Variants in NBPF15 observed in about 807,000 individuals in gnomAD.
NBPF15 encodes the protein NBPF family member NBPF15.
Under a neutral mutation model 62.2 loss-of-function variants are expected in NBPF15, and 74 were observed. The ratio of observed to expected loss-of-function variants is 1.19; its 90% CI spans 0.99 to 1.44. NBPF15 has a LOEUF of 1.44. Among genes scored for constraint, NBPF15 ranks in the 40% most tolerant of loss-of-function variants. The pLI is 0.00. For synonymous variants in NBPF15, 244 were observed against 209.7 expected, an observed-to-expected ratio of 1.16 and a Z score of -1.41; for missense variants, 790 against 550.0, an observed-to-expected ratio of 1.44 and a Z score of -4.36.
chr1:144,424,486 A>T (rs1387061324), intron 20 of NBPF15, among the ~76,000 whole-genome samples: 2 of 152,062 alleles, frequency 1.3e-5, no homozygotes, highest in African/African-American at 4.8e-5. Flanking sequence ...ATGGCCTGAG[A>T]CTAGGAAGAG....
intron 6 of NBPF15, among the ~76,000 whole-genome samples, chr1:144,440,777 C>G (rs1195824743): frequency 1.3e-5 from 2 of 150,576 alleles, no homozygotes; most frequent in African/African-American, 4.9e-5. Flanking sequence ...CTCAGACTCC[C>G]AAGTAGTTGG....
chr1:144,429,052 T>C (rs1428798472), intron 14 of NBPF15, among the ~76,000 whole-genome samples: 20 of 152,084 alleles, frequency 1.3e-4, no homozygotes, highest in African/African-American at 4.6e-4. Flanking sequence ...AGAGATTTGA[T>C]GAAGGGGTGC....
chr1:144,432,191 T>A lies in NBPF15; in HGVS notation c.824+1582A>T, dbSNP rs1245518547. On this transcript the variant is annotated intron_variant, in intron 13 of 21. Transcript: ENST00000581897. ...AAGAAAAGAATTTTCAACCCAGAAT[T>A]TCATATCCAGCCAAACAAAGCTTCA... is the stretch of plus-strand genomic sequence containing the variant. Among the ~76,000 whole-genome samples the A allele has an allele frequency of 6.6e-5, 10 of 152,110 alleles. No individual in the cohort carries two copies. In the South Asian group the frequency reaches 1.2e-3, roughly 19 times the overall value.
At chr1:144,444,749 C>T (rs1686031403) in intron 6 of NBPF15, among the ~76,000 whole-genome samples, 1 of 151,856 alleles carries the variant, frequency 6.6e-6, no homozygotes, top group South Asian at 2.1e-4. Flanking sequence ...TTCCCTGTAA[C>T]CAGTTGCAGA....
chr1:144,431,796 T>C (rs1401124636), intron 13 of NBPF15, among the ~76,000 whole-genome samples: 4 of 139,040 alleles, frequency 2.9e-5, no homozygotes, highest in African/African-American at 1.1e-4. Flanking sequence ...TCCAGCTTCA[T>C]CCATGCCCCT....
Position 144,423,017 on chromosome 1 carries a change from T to A in NBPF15, c.2009A>T (p.Gln670Leu). ...LVFQMGVIFP[Q>L] is the part of the protein sequence containing the mutation. ...TCTCGGCTTAGTAAGAGCTGCTTAT[T>A]GTGGGAATATGACTCCCATCTGGAA... The change falls in exon 22 of 22, where the codon CAA becomes CTA. Residue 670 changes from glutamine to leucine, a missense_variant. Gln to Leu is a moderately radical substitution (Grantham distance 113, BLOSUM62 -2). Coordinates refer to ENST00000581897, the MANE Select transcript of NBPF15 (RefSeq NM_001385408.1). The A allele has an allele frequency of 6.2e-7, 1 of 1,611,676 alleles. No individual in the cohort carries two copies. The highest frequency in any genetic ancestry group is 8.5e-7 in the Non-Finnish European group (1 of 1,179,634).
rs1465789350 is a variant in NBPF15, at chr1:144,436,465, C to T, written c.493+430G>A. Among the ~76,000 whole-genome samples the T allele has an allele frequency of 1.0e-3, 155 of 151,944 alleles. 1 individual carries two copies. Among genetic ancestry groups the T allele is most frequent in the African/African-American group, 3.6e-3 (149 of 41,400 alleles). ...CACATTTGAATGCTTCAGACCCTTG[C>T]AAGAGACAATTTGTCTGCCACGGAG... On this transcript the variant is annotated intron_variant, in intron 10 of 21. Coordinates refer to ENST00000581897, the MANE Select transcript of NBPF15 (RefSeq NM_001385408.1).
intron 15 of NBPF15, among the ~76,000 whole-genome samples, chr1:144,428,321 T>G (rs78724832): frequency 8.0e-5 from 12 of 150,668 alleles, no homozygotes; most frequent in Admixed American, 1.3e-4. Context: ...GAAAAGCATG[T>G]CCTCAATAAT....
chr1:144,460,025 A>AT (rs1651431949), intron 2 of NBPF15, among the ~76,000 whole-genome samples: 1 of 32,996 alleles, frequency 3.0e-5, no homozygotes, highest in Non-Finnish European at 6.1e-5. Flanking sequence ...CATTACCTGT[A>AT]CTTTTTTTTT....
chr1:144,426,453 G>C lies in NBPF15; in HGVS notation c.1266-3C>G. 2 of 798,038 alleles carry C rather than the reference G, an allele frequency of 2.5e-6. No individual in the cohort carries two copies. The highest frequency in any genetic ancestry group is 4.9e-5 in the East Asian group (2 of 41,178). The allele number at this position is 798,038 out of a possible 1,614,324, so 49.4% of individuals were successfully genotyped here. On this transcript the variant is annotated splice_polypyrimidine_tract_variant and splice_region_variant and intron_variant, in intron 17 of 21. Coordinates refer to ENST00000581897, the MANE Select transcript of NBPF15 (RefSeq NM_001385408.1). ...CATCCAGCAGCTCCCTGCTGAGCCT[G>C]GAAAAGTAGGAAAAAGTAAAGAATA...
chr1:144,425,059 GACACACACACACACAC>G, intron 19 of NBPF15, among the ~76,000 whole-genome samples, 197 bp from the exon 20 acceptor site: 1 of 92,858 alleles, frequency 1.1e-5, no homozygotes, highest in Non-Finnish European at 2.1e-5. Flanking sequence ...AAGACAGATA[GACACACACACACACAC>G]ACACACACAC....
chr1:144,438,822 T>G (rs1162530968), intron 8 of NBPF15, among the ~76,000 whole-genome samples: 12 of 151,550 alleles, frequency 7.9e-5, no homozygotes, highest in African/African-American at 1.9e-4. Context: ...TGGAGCCCAG[T>G]AGACAGGCCC....
chr1:144,425,101 C>G (rs1205072631), intron 19 of NBPF15, among the ~76,000 whole-genome samples: 12 of 145,178 alleles, frequency 8.3e-5, no homozygotes, highest in South Asian at 2.3e-4. Flanking sequence ...CACACACACA[C>G]ACAGACACAC....
rs1185284190 is a variant in NBPF15, at chr1:144,445,385, TTGTG to T, written c.-191+3386_-191+3389del. Among the ~76,000 whole-genome samples, 17 of 126,214 alleles carry T rather than the reference TTGTG, an allele frequency of 1.3e-4. 1 individual carries two copies. The highest frequency in any genetic ancestry group is 7.8e-4 in the South Asian group (3 of 3,832). The allele number at this position is 126,214 out of a possible 152,430, so 82.8% of individuals were successfully genotyped here. ...CACACACACACACACACACACACGT[TTGTG>T]TGTGTGTGTGTATACATATATATAT... On this transcript the variant is annotated intron_variant, in intron 6 of 21. Transcript: ENST00000581897.
intron 15 of NBPF15, 132 bp downstream of exon 15, chr1:144,428,474 G>C: frequency 4.5e-6 from 4 of 887,570 alleles, no homozygotes; most frequent in Non-Finnish European, 7.5e-6. Context: ...GAACCAAAAA[G>C]CAATGTAGTA....
chr1:144,431,338 C>A (rs1293355912), intron 13 of NBPF15, among the ~76,000 whole-genome samples: 4 of 149,776 alleles, frequency 2.7e-5, no homozygotes, highest in Non-Finnish European at 5.9e-5. Flanking sequence ...GGTCGGATTA[C>A]CCACAAAGGG....
At chr1:144,431,251 C>A (rs1246731751) in intron 13 of NBPF15, among the ~76,000 whole-genome samples, 4 of 150,650 alleles carry the variant, frequency 2.7e-5, no homozygotes, top group Non-Finnish European at 4.4e-5. Context: ...TCGAGAAGAG[C>A]AACCCCAAAA....
chr1:144,434,986 G>C (rs1553540764), intron 12 of NBPF15, 125 bp downstream of exon 12: 1 of 1,565,950 alleles, frequency 6.4e-7, no homozygotes, highest in Non-Finnish European at 8.7e-7. Context: ...AAAACTCCCT[G>C]ATATCTGTTT....
intron 6 of NBPF15, among the ~76,000 whole-genome samples, chr1:144,444,682 A>G (rs1685974854): frequency 3.3e-5 from 5 of 151,916 alleles, no homozygotes; most frequent in Admixed American, 3.3e-4. Flanking sequence ...TAGAAGGTAC[A>G]TTAGCTCAGG....
Sources: gnomAD v4.1 joint callset for allele counts (sites outside exome capture counted in the v4.1 genomes callset) on GRCh38, gnomAD v4.1.1 for gene constraint, MANE v1.5 for transcripts, NCBI Gene and HGNC (gene_info 2026-07-23, HGNC 2026-07-21) for gene names.